Variants in ZFTRAF1 observed in about 807,000 individuals in gnomAD.
ZFTRAF1 encodes zinc finger TRAF-type and ring finger containing 1.
the ZFTRAF1 span, among the ~76,000 whole-genome samples, chr8:144,460,021 C>T: frequency 6.6e-6 from 1 of 152,198 alleles, no homozygotes; most frequent in Non-Finnish European, 1.5e-5. Context: ...CATGTGGGGG[C>T]CCACACCATC....
the ZFTRAF1 span, chr8:144,456,459 C>A: frequency 6.6e-6 from 1 of 152,444 alleles, no homozygotes; most frequent in African/African-American, 2.4e-5. Context: ...CTGGAGGGCG[C>A]CGCACAGTCC....
At chr8:144,458,176 T>G in the ZFTRAF1 span, among the ~76,000 whole-genome samples, 2 of 152,238 alleles carry the variant, frequency 1.3e-5, no homozygotes, top group African/African-American at 2.4e-5. Context: ...AAGCCAGGAC[T>G]CGAACCCTCC....
At chr8:144,453,483 G>A in the ZFTRAF1 span, 39 of 1,535,900 alleles carry the variant, frequency 2.5e-5, no homozygotes, top group South Asian at 1.4e-4. Context: ...AAAGGGAGAC[G>A]AAGCTCACAG....
chr8:144,462,367 GGCCGCC>G, the ZFTRAF1 span: 119 of 478,414 alleles, frequency 2.5e-4, no homozygotes, highest in Admixed American at 4.2e-4. Flanking sequence ...TCCCGCTGCC[GGCCGCC>G]GCCGCCGCCG....
the ZFTRAF1 span, among the ~76,000 whole-genome samples, chr8:144,462,028 C>G: frequency 6.6e-6 from 1 of 152,116 alleles, no homozygotes; most frequent in Non-Finnish European, 1.5e-5. Flanking sequence ...CGATTCAGAT[C>G]GGGAAGTACC....
At chr8:144,458,429 C>T in the ZFTRAF1 span, among the ~76,000 whole-genome samples, 1 of 152,212 alleles carries the variant, frequency 6.6e-6, no homozygotes, top group Non-Finnish European at 1.5e-5. Flanking sequence ...TGCCACTTTC[C>T]TCACCTCAAA....
chr8:144,450,505 G>A, the ZFTRAF1 span: 6 of 718,468 alleles, frequency 8.4e-6, no homozygotes, highest in Middle Eastern at 2.3e-4. Context: ...CGTTGGTGAA[G>A]ACAAAGTGGT....
the ZFTRAF1 span, chr8:144,456,022 G>C: frequency 1.3e-5 from 2 of 152,274 alleles, no homozygotes; most frequent in Admixed American, 1.3e-4. Flanking sequence ...CCCTCCTCTG[G>C]CTCTCTCTGG....
At chr8:144,452,540 G>C in the ZFTRAF1 span, 1 of 1,539,386 alleles carries the variant, frequency 6.5e-7, no homozygotes, top group East Asian at 2.4e-5. Context: ...GCCATGGGCA[G>C]CCGATGCGTT....
At chr8:144,450,646 G>A in the ZFTRAF1 span, 3 of 717,788 alleles carry the variant, frequency 4.2e-6, no homozygotes, top group East Asian at 2.7e-5. Context: ...ACAGGTTGGG[G>A]TTACGCTCCG....
the ZFTRAF1 span, chr8:144,450,973 A>G: frequency 1.7e-6 from 1 of 572,168 alleles, no homozygotes; most frequent in Non-Finnish European, 3.1e-6. Flanking sequence ...GAACAACCAC[A>G]AACAGAATCA....
the ZFTRAF1 span, chr8:144,450,093 G>T: frequency 2.3e-6 from 1 of 440,774 alleles, no homozygotes; most frequent in African/African-American, 2.0e-5. Context: ...CGGCCTCCTT[G>T]CTGCCACCGT....
chr8:144,459,061 G>T, the ZFTRAF1 span, among the ~76,000 whole-genome samples: 1 of 152,246 alleles, frequency 6.6e-6, no homozygotes. Context: ...TCTGTCTTAC[G>T]CAGCATCACA....
chr8:144,461,914 G>A, the ZFTRAF1 span, among the ~76,000 whole-genome samples: 2 of 152,156 alleles, frequency 1.3e-5, no homozygotes, highest in African/African-American at 4.8e-5. Context: ...GTTGCGGGGA[G>A]CAGTTGCGGG....
At chr8:144,459,333 A>G in the ZFTRAF1 span, among the ~76,000 whole-genome samples, 1 of 152,102 alleles carries the variant, frequency 6.6e-6, no homozygotes, top group Admixed American at 6.5e-5. Context: ...CCCACCTGAG[A>G]CTCCAGAAGG....
the ZFTRAF1 span, chr8:144,455,955 C>G: frequency 2.0e-5 from 3 of 152,326 alleles, no homozygotes; most frequent in South Asian, 6.2e-4. Flanking sequence ...TTGGGGCCTC[C>G]AGATCCCAGC....
the ZFTRAF1 span, among the ~76,000 whole-genome samples, chr8:144,462,042 G>A: frequency 6.6e-6 from 1 of 152,182 alleles, no homozygotes; most frequent in African/African-American, 2.4e-5. Flanking sequence ...AAGTACCGTG[G>A]ATCAGAAAAC....
the ZFTRAF1 span, chr8:144,454,792 G>T: frequency 6.6e-6 from 1 of 152,328 alleles, no homozygotes; most frequent in Admixed American, 6.5e-5. Context: ...GGGGCCCTGG[G>T]AAGTCTGAGC....
chr8:144,452,384 G>C, the ZFTRAF1 span: 1 of 1,549,942 alleles, frequency 6.5e-7, no homozygotes, highest in Non-Finnish European at 8.7e-7. Flanking sequence ...TCTCGAAGCT[G>C]AGCAGGCTGA....
Sources: gnomAD v4.1 joint callset for allele counts (sites outside exome capture counted in the v4.1 genomes callset) on GRCh38, gnomAD v4.1.1 for gene constraint, MANE v1.5 for transcripts, NCBI Gene and HGNC (gene_info 2026-07-23, HGNC 2026-07-21) for gene names.